The following HTR4 variants were observed in gnomAD, a reference collection of about 807,000 sequenced individuals.
HTR4 encodes 5-hydroxytryptamine receptor 4.
In HTR4, 16 loss-of-function variants were observed where a neutral mutation model predicts 36.8. The ratio of observed to expected loss-of-function variants is 0.43; its 90% CI spans 0.29 to 0.66. The LOEUF (loss-of-function observed/expected upper bound fraction) is 0.66. Ranked by LOEUF, HTR4 falls within the 30% of genes least tolerant of loss-of-function variation. HTR4 has a pLI of 0.13. For missense variants in HTR4, 438 were observed against 490.9 expected, an observed-to-expected ratio of 0.89 and a Z score of 1.02; for synonymous variants, 189 against 185.1, an observed-to-expected ratio of 1.02 and a Z score of -0.17.
chr5:148,568,350 A>AT (rs1760536627), intron 2 of HTR4, among the ~76,000 whole-genome samples: 1 of 152,094 alleles, frequency 6.6e-6, no homozygotes, highest in Non-Finnish European at 1.5e-5. Context: ...CCTTTAGAGA[A>AT]TTTTTTTAAA....
chr5:148,571,618 C>T (rs1310038156), intron 2 of HTR4, among the ~76,000 whole-genome samples: 2 of 151,912 alleles, frequency 1.3e-5, no homozygotes, highest in Admixed American at 6.6e-5. Flanking sequence ...TTGAGAATTA[C>T]TGGCCTAGAA....
intron 2 of HTR4, among the ~76,000 whole-genome samples, chr5:148,555,871 AG>A (rs1192284912): frequency 2.0e-5 from 3 of 152,102 alleles, no homozygotes; most frequent in Non-Finnish European, 2.9e-5. Flanking sequence ...TGAATGATAA[AG>A]TATGATAAAT....
At chr5:148,463,522 A>G (rs1364202336) in intron 5 of HTR4, among the ~76,000 whole-genome samples, 1 of 152,078 alleles carries the variant, frequency 6.6e-6, no homozygotes, top group Non-Finnish European at 1.5e-5. Context: ...ATTGTAAAAT[A>G]TGTACAAGAT....
In HTR4 at chr5:148,648,683, T is replaced by C. The variant is rs114966487; in HGVS notation, c.-48+5379A>G. 2.1e-3 allele frequency among the ~76,000 whole-genome samples: 315 copies of C among 152,298 alleles called. 1 individual carries two copies. The highest frequency in any genetic ancestry group is 7.2e-3 in the African/African-American group (298 of 41,560). On this transcript the variant is annotated intron_variant, in intron 1 of 6. Transcript: ENST00000377888. ...CAGGCATCCACTACACCACTTGCCA[T>C]TGGAAAAATTTACCGCAACCACAAG...
At chr5:148,554,364 C>T (rs771810699) in intron 2 of HTR4, among the ~76,000 whole-genome samples, 27 of 152,100 alleles carry the variant, frequency 1.8e-4, no homozygotes, top group Non-Finnish European at 1.2e-4. Context: ...CATGAGCCAC[C>T]GCGCCCGGCC....
At chr5:148,613,660 A>C (rs1752536938) in intron 2 of HTR4, among the ~76,000 whole-genome samples, 1 of 150,256 alleles carries the variant, frequency 6.7e-6, no homozygotes, top group African/African-American at 2.5e-5. Context: ...TATTCAACAT[A>C]GTGTTGGAAG....
chr5:148,466,947 A>C (rs1755445336), intron 5 of HTR4, among the ~76,000 whole-genome samples: 3 of 152,202 alleles, frequency 2.0e-5, no homozygotes, highest in Admixed American at 2.0e-4. Context: ...TATTTTATGA[A>C]AATTTCCAAT....
intron 6 of HTR4, among the ~76,000 whole-genome samples, chr5:148,495,708 G>T (rs1243803049): frequency 6.6e-6 from 1 of 152,204 alleles, no homozygotes; most frequent in Non-Finnish European, 1.5e-5. Flanking sequence ...CTTCCAAGTG[G>T]GGAGAGAGGC....
chr5:148,606,421 A>G (rs1340649710), intron 2 of HTR4, among the ~76,000 whole-genome samples: 8 of 152,182 alleles, frequency 5.3e-5, no homozygotes, highest in African/African-American at 1.9e-4. Flanking sequence ...ACACAGTTGA[A>G]GGTGTTAATG....
intron 1 of HTR4, among the ~76,000 whole-genome samples, chr5:148,653,186 G>A (rs1464926201): frequency 6.6e-6 from 1 of 152,158 alleles, no homozygotes; most frequent in South Asian, 2.1e-4. Flanking sequence ...ACTTGAACCA[G>A]TGTCCTTCCA....
At chr5:148,604,678 T>C in intron 2 of HTR4, among the ~76,000 whole-genome samples, 1 of 152,198 alleles carries the variant, frequency 6.6e-6, no homozygotes, top group East Asian at 1.9e-4. Context: ...GAAAATGAAT[T>C]AATCACTTTT....
At chr5:148,644,305 G>C (rs941243248) in intron 1 of HTR4, among the ~76,000 whole-genome samples, 1 of 150,636 alleles carries the variant, frequency 6.6e-6, no homozygotes, top group East Asian at 2.0e-4. Flanking sequence ...TTCTGTTTTA[G>C]TTATTGTTGT....
At chr5:148,506,743 C>T (rs1757235528) in intron 6 of HTR4, among the ~76,000 whole-genome samples, 1 of 152,214 alleles carries the variant, frequency 6.6e-6, no homozygotes, top group Admixed American at 6.5e-5. Flanking sequence ...CAAAAGAAGA[C>T]ATTTATGCAG....
chr5:148,615,826 T>G (rs1752658228), intron 2 of HTR4, among the ~76,000 whole-genome samples: 1 of 152,184 alleles, frequency 6.6e-6, no homozygotes, highest in Non-Finnish European at 1.5e-5. Flanking sequence ...ATTCAGGACT[T>G]TCACTTGTCA....
chr5:148,614,423 C>T (rs999303466), intron 2 of HTR4, among the ~76,000 whole-genome samples: 3 of 152,118 alleles, frequency 2.0e-5, no homozygotes, highest in Admixed American at 6.5e-5. Flanking sequence ...GAAAAACAAG[C>T]AATGGGGAAG....
intron 2 of HTR4, among the ~76,000 whole-genome samples, chr5:148,567,205 A>G (rs186298508): frequency 6.6e-6 from 1 of 152,300 alleles, no homozygotes; most frequent in African/African-American, 2.4e-5. Flanking sequence ...AATAACTTCA[A>G]TAATTTTTTT....
intron 4 of HTR4, among the ~76,000 whole-genome samples, chr5:148,540,531 A>G (rs7708324): frequency 0.31 from 46,406 of 147,800 alleles, 7,610 homozygotes; most frequent in Non-Finnish European, 0.37. Context: ...CCAGCTGATC[A>G]TGGGAGATAA....
intron 6 of HTR4, among the ~76,000 whole-genome samples, chr5:148,506,697 T>A (rs1431904504): frequency 1.3e-5 from 2 of 151,992 alleles, no homozygotes; most frequent in Non-Finnish European, 2.9e-5. Flanking sequence ...AACAACCCCA[T>A]CAACAAGTGG....
chr5:148,632,939 A>C (rs1309769182), intron 2 of HTR4, among the ~76,000 whole-genome samples: 1 of 152,158 alleles, frequency 6.6e-6, no homozygotes, highest in Non-Finnish European at 1.5e-5. Flanking sequence ...AATACAAGCC[A>C]AAGATGTTCT....
Sources: gnomAD v4.1 joint callset for allele counts (sites outside exome capture counted in the v4.1 genomes callset) on GRCh38, gnomAD v4.1.1 for gene constraint, MANE v1.5 for transcripts, NCBI Gene and HGNC (gene_info 2026-07-23, HGNC 2026-07-21) for gene names.